Variants in SNTB2 observed in about 807,000 individuals in gnomAD.
The protein encoded by SNTB2 is beta-2-syntrophin.
In SNTB2, 34 loss-of-function variants were observed where a neutral mutation model predicts 46.2. The observed-to-expected ratio is 0.74, with a 90% CI of 0.56 to 0.98. SNTB2 has a LOEUF of 0.98. Among genes scored for constraint, SNTB2 ranks in the 50% least tolerant of loss-of-function variants. The pLI is 0.00. For synonymous variants in SNTB2, 290 were observed against 312.6 expected (o/e 0.93, Z 0.76); for missense variants, 603 against 731.4 (o/e 0.82, Z 2.02).
At chr16:69,236,253 G>A (rs1399439602) in intron 1 of SNTB2, among the ~76,000 whole-genome samples, 1 of 152,178 alleles carries the variant, frequency 6.6e-6, no homozygotes, top group Non-Finnish European at 1.5e-5. Context: ...TCCTTAGGCA[G>A]TAGCAAACCA....
rs371756206 is a variant in SNTB2, at chr16:69,204,732, G to A, written c.580+16986G>A. Among the ~76,000 whole-genome samples, 8 of 152,186 alleles carry A rather than the reference G, an allele frequency of 5.3e-5. No homozygotes were observed. The South Asian group carries it at 6.2e-4, about 12-fold the overall frequency. The stretch of plus-strand genomic sequence containing the variant: ...ATCTGCCAGTGTATGGAAATCTGCA[G>A]CATTTGCCCCTTCAGTACCATCTAT... On this transcript the variant is annotated intron_variant, in intron 1 of 6. Coordinates refer to ENST00000336278, the MANE Select transcript of SNTB2 (RefSeq NM_006750.4).
rs371176390 is a variant in SNTB2 at position 69,243,020 on chromosome 16, T to TA, written c.581-2561dup. Among the ~76,000 whole-genome samples the TA allele has an allele frequency of 4.1e-3, 395 of 95,884 alleles. 3 individuals are homozygous for TA. Among genetic ancestry groups the TA allele is most frequent in the African/African-American group, 7.1e-3 (184 of 25,984 alleles). The allele number at this position is 95,884 out of a possible 152,430, so 62.9% of individuals were successfully genotyped here. A position where few individuals can be genotyped will look rare whatever the true frequency, so the allele number is the denominator to read the frequency against. On this transcript the variant is annotated intron_variant, in intron 1 of 6. Coordinates refer to ENST00000336278, the MANE Select transcript of SNTB2 (RefSeq NM_006750.4). The stretch of plus-strand genomic sequence containing the variant: ...TGGGCGACAGAGTGAGACTGCATCT[T>TA]AAAAAAAAAAAAAAAAAAAAAGGGA...
intron 2 of SNTB2, among the ~76,000 whole-genome samples, chr16:69,251,934 CAATAA>C (rs1567407473): frequency 6.6e-6 from 1 of 151,942 alleles, no homozygotes; most frequent in Non-Finnish European, 1.5e-5. Flanking sequence ...AAAAATAAAA[CAATAA>C]AATAAAATAA....
intron 1 of SNTB2, among the ~76,000 whole-genome samples, chr16:69,208,734 G>A (rs902472014): frequency 1.3e-5 from 2 of 151,716 alleles, no homozygotes; most frequent in African/African-American, 2.4e-5. Context: ...GGTGGCTCAC[G>A]CCTGTAATCC....
Position 69,263,568 on chromosome 16 carries a change from G to A in SNTB2, c.1005+3308G>A, listed in dbSNP as rs905827268. On this transcript the variant is annotated intron_variant, in intron 3 of 6. Coordinates refer to ENST00000336278, the MANE Select transcript of SNTB2 (RefSeq NM_006750.4). Reference sequence around the variant, plus strand: ...TAAGTAGCTGGGATTACAGGTGTGCGCCACCATGCTCAGCTAATTTTGTAT... The same window carrying A: ...TAAGTAGCTGGGATTACAGGTGTGCACCACCATGCTCAGCTAATTTTGTAT... Among the ~76,000 whole-genome samples, 5 of 151,848 alleles carry A rather than the reference G, an allele frequency of 3.3e-5. No individual in the cohort carries two copies. In the East Asian group the frequency reaches 9.7e-4, roughly 30 times the overall value.
chr16:69,302,657 A>G lies in SNTB2; in HGVS notation c.*1733A>G, dbSNP rs1965285196. The G allele has an allele frequency of 6.6e-6, 1 of 152,240 alleles. No homozygotes were observed. The highest frequency in any genetic ancestry group is 2.4e-5 in the African/African-American group (1 of 41,468). The allele number at this position is 152,240 out of a possible 1,614,324, so 9.4% of individuals were successfully genotyped here. On this transcript the variant is annotated 3_prime_UTR_variant, in exon 7 of 7. Transcript: ENST00000336278. ...ACTCCATTGTCCTCCTTCACCCATA[A>G]GTCAGTCCTCCTTCCTCATTACAGT... is the stretch of plus-strand genomic sequence containing the variant.
chr16:69,259,790 A>T (rs1251296968), intron 2 of SNTB2, among the ~76,000 whole-genome samples: 1 of 148,704 alleles, frequency 6.7e-6, no homozygotes, highest in Non-Finnish European at 1.5e-5. Flanking sequence ...TTTATATATT[A>T]GCAGAGACAG....
chr16:69,290,514 TA>T (rs1436425172), intron 5 of SNTB2, among the ~76,000 whole-genome samples: 1 of 152,176 alleles, frequency 6.6e-6, no homozygotes, highest in Non-Finnish European at 1.5e-5. Context: ...TTTATATTGT[TA>T]AAATATATGA....
At chr16:69,290,132 A>G (rs922731737) in intron 5 of SNTB2, among the ~76,000 whole-genome samples, 2 of 152,210 alleles carry the variant, frequency 1.3e-5, no homozygotes, top group African/African-American at 4.8e-5. Context: ...TGATTAGGCT[A>G]TAGTTACAGT....
chr16:69,292,778 A>G (rs1401306408), intron 5 of SNTB2, among the ~76,000 whole-genome samples: 2 of 151,648 alleles, frequency 1.3e-5, no homozygotes, highest in Non-Finnish European at 1.5e-5. Context: ...TATAACATCA[A>G]TTTTTTGATT....
At chr16:69,286,252 G>C (rs113670987) in intron 5 of SNTB2, among the ~76,000 whole-genome samples, 3 of 152,320 alleles carry the variant, frequency 2.0e-5, no homozygotes, top group African/African-American at 7.2e-5. Context: ...TGCCAGGCCA[G>C]TTGTCATTTA....
In SNTB2 at chr16:69,256,143, G is replaced by A. The variant is rs1303989656; in HGVS notation, c.795-3907G>A. ...AGAGGTTGCAGTGAGCCAAGATCGG[G>A]CCACTGCACTCCAGCCTGGGTGAAA... On this transcript the variant is annotated intron_variant, in intron 2 of 6. Transcript: ENST00000336278. Among the ~76,000 whole-genome samples, 4 of 152,000 alleles carry A rather than the reference G, an allele frequency of 2.6e-5. No individual in the cohort carries two copies. The East Asian group carries it at 7.7e-4, about 29-fold the overall frequency.
chr16:69,287,134 CT>C (rs1965111525), intron 5 of SNTB2, among the ~76,000 whole-genome samples: 1 of 152,046 alleles, frequency 6.6e-6, no homozygotes, highest in South Asian at 2.1e-4. Flanking sequence ...TGGAAGCGCC[CT>C]CTTGTGGTTA....
chr16:69,306,579 C>T lies in SNTB2; in HGVS notation c.*5655C>T, dbSNP rs561526760. The stretch of plus-strand genomic sequence containing the variant: ...CCCTTTTAAAATAGATTGGTTAAAA[C>T]CAAAAACCTATAAGAGAGAAATGAT... On this transcript the variant is annotated 3_prime_UTR_variant, in exon 7 of 7. Coordinates refer to ENST00000336278, the MANE Select transcript of SNTB2 (RefSeq NM_006750.4). The T allele has an allele frequency of 3.9e-5, 6 of 152,272 alleles. 1 individual carries two copies. In the East Asian group the frequency reaches 7.7e-4, roughly 20 times the overall value. 9.4% of individuals were successfully genotyped at this position (152,272 alleles called of 1,614,324 possible).
chr16:69,196,108 G>A (rs987249103), intron 1 of SNTB2, among the ~76,000 whole-genome samples: 2 of 152,142 alleles, frequency 1.3e-5, no homozygotes, highest in South Asian at 2.1e-4. Context: ...GTGAGGTGGC[G>A]AGTGCCTGTG....
intron 1 of SNTB2, among the ~76,000 whole-genome samples, chr16:69,203,702 T>G (rs186557256): frequency 6.6e-6 from 1 of 152,248 alleles, no homozygotes; most frequent in Admixed American, 6.5e-5. Context: ...TTAAAACAGT[T>G]TCCATAAACC....
At chr16:69,250,689 G>A (rs1346429502) in intron 2 of SNTB2, among the ~76,000 whole-genome samples, 1 of 151,956 alleles carries the variant, frequency 6.6e-6, no homozygotes, top group African/African-American at 2.4e-5. Flanking sequence ...TTGAGGCTGG[G>A]AGTTTGCGAC....
chr16:69,243,845 A>C (rs1014388321), intron 1 of SNTB2, among the ~76,000 whole-genome samples: 5 of 152,246 alleles, frequency 3.3e-5, no homozygotes, highest in African/African-American at 1.2e-4. Context: ...CACAAAAAGC[A>C]CAGAGATATA....
At chr16:69,218,850 T>A (rs1265689563) in intron 1 of SNTB2, among the ~76,000 whole-genome samples, 1 of 152,236 alleles carries the variant, frequency 6.6e-6, no homozygotes, top group Non-Finnish European at 1.5e-5. Context: ...ATCTCATGAT[T>A]GCAACTCCAG....
Sources: allele counts gnomAD v4.1 joint callset (sites outside exome capture counted in the v4.1 genomes callset), GRCh38; gene constraint gnomAD v4.1.1; transcripts MANE v1.5; gene names NCBI Gene and HGNC (gene_info 2026-07-23, HGNC 2026-07-21).